The following RSL24D1 variants were observed in gnomAD, a reference collection of about 807,000 sequenced individuals.
The protein encoded by RSL24D1 is ribosomal L24 domain containing 1, also known as probable ribosome biogenesis protein RLP24.
In RSL24D1, 6 loss-of-function variants were observed where a neutral mutation model predicts 26.2. That is an observed-to-expected ratio of 0.23 (90% confidence interval 0.13 to 0.45). The LOEUF is 0.45. Among genes scored for constraint, RSL24D1 ranks in the 20% least tolerant of loss-of-function variants. RSL24D1 has a pLI of 0.99. For synonymous variants in RSL24D1, 61 were observed against 59.1 expected (o/e 1.03, Z -0.15); for missense variants, 176 against 202.6 (o/e 0.87, Z 0.80).
At chr15:55,183,478 T>A in intron 4 of RSL24D1, 78 bp from the exon 5 acceptor site, 1 of 987,878 alleles carries the variant, frequency 1.0e-6, no homozygotes, top group East Asian at 2.6e-5. Context: ...ATACAGCTTC[T>A]AAATTTTGTT....
intron 5 of RSL24D1, among the ~76,000 whole-genome samples, 165 bp from the exon 6 acceptor site, chr15:55,182,390 T>C (rs567935064): frequency 2.7e-4 from 41 of 152,316 alleles, no homozygotes; most frequent in African/African-American, 9.6e-4. Context: ...ATGCCATGCA[T>C]CAAATAAACA....
rs751234205 is a variant in RSL24D1, at chr15:55,185,421, A to G, written c.273T>C (p.Asp91=). 2.5e-6 allele frequency: 4 copies of G among 1,605,582 alleles called. No individual in the cohort carries two copies. In the South Asian group the frequency reaches 4.5e-5, roughly 18 times the overall value. ...TGATTTCTTCAACTCTCTTCATCGC[A>G]TCAACTACAAAAAAATTCATGAGTT... The part of the protein sequence containing the change: ...YQRELWNKTI[D]AMKRVEEIKQ... The change falls in exon 4 of 6, where the codon GAT becomes GAC. Residue 91 remains aspartate (D), a synonymous_variant. Coordinates refer to ENST00000260443, the MANE Select transcript of RSL24D1 (RefSeq NM_016304.3).
intron 4 of RSL24D1, 36 bp downstream of exon 4, chr15:55,185,326 T>C: frequency 6.6e-7 from 1 of 1,508,388 alleles, no homozygotes; most frequent in Non-Finnish European, 8.9e-7. Flanking sequence ...TACTAGTAAT[T>C]ATTTTCCAAA....
At chr15:55,182,514 C>A (rs1894179731) in intron 5 of RSL24D1, among the ~76,000 whole-genome samples, 1 of 152,116 alleles carries the variant, frequency 6.6e-6, no homozygotes, top group African/African-American at 2.4e-5. Context: ...ACTAGAAAGC[C>A]ATTTAAGTCA....
intron 4 of RSL24D1, 73 bp downstream of exon 4, chr15:55,185,289 T>G: frequency 8.2e-7 from 1 of 1,217,590 alleles, no homozygotes. Flanking sequence ...AAAATTTTTT[T>G]AAAAAATACT....
chr15:55,194,732 G>A (rs560168215), intron 1 of RSL24D1, among the ~76,000 whole-genome samples: 62 of 151,788 alleles, frequency 4.1e-4, no homozygotes, highest in Non-Finnish European at 8.4e-4. Flanking sequence ...ATTAATAACA[G>A]TCTCAGAAAC....
Position 55,190,955 on chromosome 15 carries a change from G to C in RSL24D1, c.268+20C>G. Reference sequence around the variant, plus strand: ...AAACCAGTCTCTCCTCAAAATTACTGGTATTTCTTTGTGACTTACTAGTTT... The same window carrying C: ...AAACCAGTCTCTCCTCAAAATTACTCGTATTTCTTTGTGACTTACTAGTTT... On this transcript the variant is annotated intron_variant, in intron 3 of 5. Transcript: ENST00000260443. The C allele has an allele frequency of 6.5e-7, 1 of 1,528,458 alleles. No homozygotes were observed. The highest frequency in any genetic ancestry group is 9.0e-7 in the Non-Finnish European group (1 of 1,110,452). 94.7% of individuals were successfully genotyped at this position (1,528,458 alleles called of 1,614,324 possible). A position where few individuals can be genotyped will look rare whatever the true frequency, so the allele number is the denominator to read the frequency against.
chr15:55,193,516 T>C (rs570422068), intron 1 of RSL24D1, among the ~76,000 whole-genome samples: 110 of 152,266 alleles, frequency 7.2e-4, no homozygotes, highest in Non-Finnish European at 1.4e-3. Flanking sequence ...CTGGAGGAAA[T>C]GGGAAGAGAA....
rs73407835 is a variant in RSL24D1 at position 55,191,862 on chromosome 15, G to T, written c.196-815C>A. Among the ~76,000 whole-genome samples, 513 of 152,310 alleles carry T rather than the reference G, an allele frequency of 3.4e-3. 2 individuals are homozygous for T. The highest frequency in any genetic ancestry group is 0.011 in the African/African-American group (469 of 41,562). ...TAAATGGTAATCAGTAAATGACTGT[G>T]ACCGGCAGTGTTTCCTCAGGCAGCT... is the stretch of plus-strand genomic sequence containing the variant. On this transcript the variant is annotated intron_variant, in intron 2 of 5. Coordinates refer to ENST00000260443, the MANE Select transcript of RSL24D1 (RefSeq NM_016304.3).
chr15:55,196,710 G>C, intron 1 of RSL24D1, 100 bp downstream of exon 1: 1 of 1,147,398 alleles, frequency 8.7e-7, no homozygotes, highest in South Asian at 1.3e-5. Flanking sequence ...GGAGGAACCC[G>C]GGCCAAACAC....
rs1297746162 is a variant in RSL24D1 at position 55,180,916 on chromosome 15, C to G, written c.*1236G>C. 6.6e-6 allele frequency: 1 copy of G among 152,088 alleles called. No homozygotes were observed. Among genetic ancestry groups the G allele is most frequent in the African/African-American group, 2.4e-5 (1 of 41,408 alleles). The allele number at this position is 152,088 out of a possible 1,614,324, so 9.4% of individuals were successfully genotyped here. A position where few individuals can be genotyped will look rare whatever the true frequency, so the allele number is the denominator to read the frequency against. ...TGTATCATTTCCCCTAATCTTCAAT[C>G]AATAATATTATTTACAAATAAGAAT... On this transcript the variant is annotated 3_prime_UTR_variant, in exon 6 of 6. Coordinates refer to ENST00000260443, the MANE Select transcript of RSL24D1 (RefSeq NM_016304.3).
intron 2 of RSL24D1, among the ~76,000 whole-genome samples, 199 bp from the exon 3 acceptor site, chr15:55,191,246 C>T (rs1296106827): frequency 6.6e-6 from 1 of 152,114 alleles, no homozygotes; most frequent in East Asian, 1.9e-4. Context: ...TCTCCATATA[C>T]TAGTGATTCT....
chr15:55,187,638 C>G (rs10162819), intron 3 of RSL24D1, among the ~76,000 whole-genome samples: 17,908 of 151,962 alleles, frequency 0.12, 1,089 homozygotes, highest in South Asian at 0.16. Flanking sequence ...ATGAAGTAAC[C>G]CAGGAATAGA....
intron 2 of RSL24D1, among the ~76,000 whole-genome samples, chr15:55,191,344 AT>A (rs989817392): frequency 3.3e-5 from 5 of 152,128 alleles, no homozygotes; most frequent in Non-Finnish European, 4.4e-5. Context: ...AACCTTCCCA[AT>A]GTCCCATTCC....
At chr15:55,182,928 C>A (rs1226362562) in intron 5 of RSL24D1, among the ~76,000 whole-genome samples, 1 of 152,106 alleles carries the variant, frequency 6.6e-6, no homozygotes, top group Non-Finnish European at 1.5e-5. Flanking sequence ...GTGGCCCAGA[C>A]TCAAAGAGCC....
At position 55,181,436 on chromosome 15, in the gene RSL24D1, G is replaced by C. The variant is rs1009261360; in HGVS notation, c.*716C>G. ...CACATAACAACTTTTAAAAGGCGCT[G>C]GGATTCCTCTGCTTCTAGATCAATG... On this transcript the variant is annotated 3_prime_UTR_variant, in exon 6 of 6. Transcript: ENST00000260443. The C allele has an allele frequency of 1.3e-5, 2 of 152,602 alleles. No homozygotes were observed. The highest frequency in any genetic ancestry group is 1.5e-5 in the Non-Finnish European group (1 of 68,046). The allele number at this position is 152,602 out of a possible 1,614,324, so 9.5% of individuals were successfully genotyped here. A position where few individuals can be genotyped will look rare whatever the true frequency, so the allele number is the denominator to read the frequency against.
Position 55,193,279 on chromosome 15 carries a change from A to G in RSL24D1, c.82-446T>C, listed in dbSNP as rs1894318802. 5.9e-5 allele frequency among the ~76,000 whole-genome samples: 9 copies of G among 152,324 alleles called. No individual in the cohort carries two copies. In the South Asian group the frequency reaches 1.7e-3, roughly 28 times the overall value. On this transcript the variant is annotated intron_variant, in intron 1 of 5. Coordinates refer to ENST00000260443, the MANE Select transcript of RSL24D1 (RefSeq NM_016304.3). ...TTCAAAAGCAAGTAAAACTGGTGAT[A>G]TAACAGATTCGTTTTCGACTTACTC...
rs955892827 is a variant in RSL24D1, at chr15:55,191,571, G to A, written c.196-524C>T. Among the ~76,000 whole-genome samples the A allele has an allele frequency of 1.4e-4, 21 of 152,188 alleles. 1 individual carries two copies. Among genetic ancestry groups the A allele is most frequent in the South Asian group, 4.2e-4 (2 of 4,814 alleles). On this transcript the variant is annotated intron_variant, in intron 2 of 5. Transcript: ENST00000260443. ...CTATATATATCTTCAAATAAATGAGGTGCTACTCTGCAGAATAAAAGTCAG... is the reference window on the plus strand; with the variant it reads ...CTATATATATCTTCAAATAAATGAGATGCTACTCTGCAGAATAAAAGTCAG...
intron 1 of RSL24D1, chr15:55,196,353 C>T (rs1179397726): frequency 2.2e-6 from 1 of 457,552 alleles, no homozygotes; most frequent in Non-Finnish European, 4.4e-6. Flanking sequence ...CCCAACTCAC[C>T]TGCAGTAACT....
Sources: gnomAD v4.1 joint callset for allele counts (sites outside exome capture counted in the v4.1 genomes callset) on GRCh38, gnomAD v4.1.1 for gene constraint, MANE v1.5 for transcripts, NCBI Gene and HGNC (gene_info 2026-07-23, HGNC 2026-07-21) for gene names.